The following RASSF3 variants were observed in gnomAD, a reference collection of about 807,000 sequenced individuals.
RASSF3 encodes the protein ras association domain-containing protein 3.
A neutral mutation model predicts 19.9 loss-of-function variants in RASSF3; 19 were observed. The observed-to-expected ratio is 0.96, with a 90% CI of 0.67 to 1.40. The LOEUF is 1.40. RASSF3 is among the 40% of genes most tolerant of loss of function. The pLI, the probability that RASSF3 is intolerant of heterozygous loss-of-function variation, is 0.00. For synonymous variants in RASSF3, 110 were observed against 104.2 expected, an observed-to-expected ratio of 1.06 and a Z score of -0.34; for missense variants, 306 against 289.8, an observed-to-expected ratio of 1.06 and a Z score of -0.41.
intron 1 of RASSF3, among the ~76,000 whole-genome samples, chr12:64,620,150 T>TATAG (rs1565851703): frequency 6.6e-6 from 1 of 152,000 alleles, no homozygotes; most frequent in East Asian, 1.9e-4. Context: ...GGGGGGCGTA[T>TATAG]ATAGGTTCGT....
At chr12:64,596,515 C>G (rs114010105) in intron 2 of RASSF3, among the ~76,000 whole-genome samples, 1,583 of 152,270 alleles carry the variant, frequency 0.01, 23 homozygotes, top group African/African-American at 0.036. Context: ...CAGTGCCCAA[C>G]AAGTGCTCAT....
chr12:64,555,072 C>T (rs1220766331), intron 2 of RASSF3, among the ~76,000 whole-genome samples: 1 of 151,538 alleles, frequency 6.6e-6, no homozygotes, highest in East Asian at 2.0e-4. Context: ...GGTGAAACCC[C>T]GTCTTTACTA....
chr12:64,679,459 A>G (rs917535845), intron 1 of RASSF3, among the ~76,000 whole-genome samples: 9 of 152,386 alleles, frequency 5.9e-5, no homozygotes, highest in Non-Finnish European at 1.2e-4. Flanking sequence ...AAAATTAACC[A>G]AAAGAGTATA....
chr12:64,537,683 T>A (rs1868856625), intron 1 of RASSF3, among the ~76,000 whole-genome samples: 1 of 152,196 alleles, frequency 6.6e-6, no homozygotes, highest in Admixed American at 6.6e-5. Flanking sequence ...TCAATCAGTG[T>A]CTTTACCTTG....
At chr12:64,653,056 A>G (rs935622657) in intron 1 of RASSF3, among the ~76,000 whole-genome samples, 1 of 151,964 alleles carries the variant, frequency 6.6e-6, no homozygotes, top group Admixed American at 6.6e-5. Flanking sequence ...CTCTCTGTAC[A>G]TGTCTGTGTC....
intron 1 of RASSF3, among the ~76,000 whole-genome samples, chr12:64,540,445 T>C (rs1051355238): frequency 1.3e-5 from 2 of 152,192 alleles, no homozygotes; most frequent in Non-Finnish European, 2.9e-5. Flanking sequence ...CTCCAAGGTA[T>C]ATATCCAAGA....
At chr12:64,555,790 C>T (rs1056906923) in intron 2 of RASSF3, among the ~76,000 whole-genome samples, 8 of 150,968 alleles carry the variant, frequency 5.3e-5, no homozygotes, top group Non-Finnish European at 8.8e-5. Flanking sequence ...TGTCACGGCT[C>T]ATGCCTGTAA....
intron 2 of RASSF3, among the ~76,000 whole-genome samples, chr12:64,685,617 A>G (rs1269252560): frequency 1.3e-5 from 2 of 152,178 alleles, no homozygotes; most frequent in Non-Finnish European, 2.9e-5. Context: ...ATAGAGGTAT[A>G]TAATAGGATA....
upstream of RASSF3, among the ~76,000 whole-genome samples, chr12:64,606,078 G>A (rs909832527): frequency 6.6e-6 from 1 of 152,132 alleles, no homozygotes; most frequent in Non-Finnish European, 1.5e-5. Flanking sequence ...AAGCATGCAA[G>A]ATCCAGAGGA....
intron 2 of RASSF3, among the ~76,000 whole-genome samples, chr12:64,563,011 G>A (rs756353066): frequency 3.3e-5 from 5 of 152,086 alleles, no homozygotes; most frequent in East Asian, 1.9e-4. Flanking sequence ...ACCAATGTCC[G>A]TCTACTTCTC....
intron 2 of RASSF3, among the ~76,000 whole-genome samples, chr12:64,557,373 T>C (rs541980065): frequency 3.3e-5 from 5 of 152,222 alleles, no homozygotes; most frequent in Non-Finnish European, 7.4e-5. Flanking sequence ...CCTGACCCCA[T>C]GTATAAGCAC....
At chr12:64,518,961 G>A (rs1868414645) in intron 1 of RASSF3, among the ~76,000 whole-genome samples, 1 of 152,058 alleles carries the variant, frequency 6.6e-6, no homozygotes. Flanking sequence ...TAATCAACAG[G>A]GAACACATTT....
intron 1 of RASSF3, among the ~76,000 whole-genome samples, chr12:64,612,173 A>T (rs1870390881): frequency 6.6e-6 from 1 of 151,840 alleles, no homozygotes; most frequent in African/African-American, 2.4e-5. Context: ...GAAAAATTGC[A>T]TTTGCTTATG....
intron 1 of RASSF3, chr12:64,515,630 CG>C (rs1868358858): frequency 6.6e-6 from 1 of 152,160 alleles, no homozygotes; most frequent in African/African-American, 2.4e-5. Context: ...AAAGGCATTT[CG>C]TGTCTAATAT....
At chr12:64,572,065 A>G (rs985407182) in intron 2 of RASSF3, among the ~76,000 whole-genome samples, 1 of 152,128 alleles carries the variant, frequency 6.6e-6, no homozygotes, top group Non-Finnish European at 1.5e-5. Flanking sequence ...CCATGGCTTC[A>G]TGAACTTTGC....
rs67795096 is a variant in RASSF3, at chr12:64,619,979, C to CAAA, written c.111+9250_111+9252dup. Among the ~76,000 whole-genome samples, 340 of 102,172 alleles carry CAAA rather than the reference C, an allele frequency of 3.3e-3. 4 individuals are homozygous for CAAA. Among genetic ancestry groups the CAAA allele is most frequent in the African/African-American group, 0.013 (328 of 24,852 alleles). The allele number at this position is 102,172 out of a possible 152,430, so 67.0% of individuals were successfully genotyped here. On this transcript the variant is annotated intron_variant, in intron 1 of 4. Coordinates refer to ENST00000542104, the MANE Select transcript of RASSF3 (RefSeq NM_178169.4). ...TGGGCAACAGAGTGAGACTTTATATCAAAAAAAAAAAAAAAAGAAATTAGT... is the reference window on the plus strand; with the variant it reads ...TGGGCAACAGAGTGAGACTTTATATCAAAAAAAAAAAAAAAAAAAGAAATTAGT...
chr12:64,667,797 C>T (rs1347011119), intron 1 of RASSF3, among the ~76,000 whole-genome samples: 2 of 152,182 alleles, frequency 1.3e-5, no homozygotes, highest in African/African-American at 2.4e-5. Flanking sequence ...GGCTCATCTC[C>T]AGAGCTGTGC....
downstream of RASSF3, chr12:64,541,842 T>G (rs141640265): frequency 6.9e-4 from 274 of 395,134 alleles, 1 homozygote; most frequent in African/African-American, 5.3e-3. Context: ...TCATTGCCAT[T>G]GCTTCTCTCC....
chr12:64,683,431 G>A (rs1268211577), intron 1 of RASSF3, among the ~76,000 whole-genome samples: 2 of 152,216 alleles, frequency 1.3e-5, no homozygotes, highest in Non-Finnish European at 2.9e-5. Flanking sequence ...TTCACAGTGA[G>A]AAGAGGATTT....
Sources: allele counts gnomAD v4.1 joint callset (sites outside exome capture counted in the v4.1 genomes callset), GRCh38; gene constraint gnomAD v4.1.1; transcripts MANE v1.5; gene names NCBI Gene and HGNC (gene_info 2026-07-23, HGNC 2026-07-21).